Variants in ACVR1C observed in about 807,000 individuals in gnomAD.
The protein encoded by ACVR1C is activin receptor type-1C.
In ACVR1C, 23 loss-of-function variants were observed where a neutral mutation model predicts 57.9. The observed-to-expected ratio is 0.40, with a 90% CI of 0.29 to 0.56. The LOEUF (loss-of-function observed/expected upper bound fraction) is 0.56. ACVR1C is among the 20% of genes least tolerant of loss of function. The pLI, the probability that ACVR1C is intolerant of heterozygous loss-of-function variation, is 0.50. For synonymous variants in ACVR1C, 214 were observed against 215.3 expected (o/e 0.99, Z 0.05); for missense variants, 480 against 607.9 (o/e 0.79, Z 2.21).
In ACVR1C at chr2:157,628,730, G is replaced by T. The variant is rs1573965173; in HGVS notation, c.-86C>A. 1.7e-6 allele frequency: 2 copies of T among 1,205,762 alleles called. No homozygotes were observed. The highest frequency in any genetic ancestry group is 6.3e-5 in the Admixed American group (2 of 31,558). The allele number at this position is 1,205,762 out of a possible 1,614,324, so 74.7% of individuals were successfully genotyped here. A position where few individuals can be genotyped will look rare whatever the true frequency, so the allele number is the denominator to read the frequency against. On this transcript the variant is annotated 5_prime_UTR_variant, in exon 1 of 9. Transcript: ENST00000243349. Reference sequence around the variant, plus strand: ...AGCACGGCCCGCTTTGAAGTTCCCGGGCCGCGGGAGGGGAGCGCGGCACCG... The same window carrying T: ...AGCACGGCCCGCTTTGAAGTTCCCGTGCCGCGGGAGGGGAGCGCGGCACCG...
intron 1 of ACVR1C, among the ~76,000 whole-genome samples, chr2:157,594,944 G>A (rs1682055048): frequency 6.6e-6 from 1 of 152,192 alleles, no homozygotes; most frequent in Non-Finnish European, 1.5e-5. Flanking sequence ...ATGGCACAAT[G>A]TCATAAAGCT....
At chr2:157,628,213 T>A (rs563569252) in intron 1 of ACVR1C, among the ~76,000 whole-genome samples, 1 of 152,192 alleles carries the variant, frequency 6.6e-6, no homozygotes, top group Non-Finnish European at 1.5e-5. Flanking sequence ...CCCTGCAGGG[T>A]GAACCCAGCT....
chr2:157,587,872 A>G (rs1393030643), intron 1 of ACVR1C, among the ~76,000 whole-genome samples: 3 of 152,056 alleles, frequency 2.0e-5, no homozygotes, highest in African/African-American at 7.2e-5. Context: ...CTTCCTTTAA[A>G]CTTTTAAGCA....
chr2:157,566,688 C>T (rs541447434), intron 2 of ACVR1C, among the ~76,000 whole-genome samples: 1 of 151,740 alleles, frequency 6.6e-6, no homozygotes, highest in East Asian at 2.0e-4. Context: ...GACTATATCC[C>T]ACACCTGGCT....
At chr2:157,575,572 A>G (rs1016785086) in intron 2 of ACVR1C, among the ~76,000 whole-genome samples, 2 of 152,344 alleles carry the variant, frequency 1.3e-5, no homozygotes, top group East Asian at 3.9e-4. Flanking sequence ...CCTGGCCAAC[A>G]GTGCTGTTTT....
intron 4 of ACVR1C, among the ~76,000 whole-genome samples, chr2:157,546,586 A>G (rs1299954620): frequency 1.3e-5 from 2 of 152,156 alleles, no homozygotes; most frequent in African/African-American, 4.8e-5. Flanking sequence ...TCTTGACTCT[A>G]CCATAAAGTT....
intron 3 of ACVR1C, among the ~76,000 whole-genome samples, chr2:157,551,514 T>C (rs909452538): frequency 6.6e-6 from 1 of 152,244 alleles, no homozygotes; most frequent in Non-Finnish European, 1.5e-5. Context: ...TAAGTGTATC[T>C]AGCTATTCAA....
intron 2 of ACVR1C, among the ~76,000 whole-genome samples, chr2:157,578,043 C>T (rs1485626970): frequency 6.6e-6 from 1 of 152,044 alleles, no homozygotes; most frequent in Non-Finnish European, 1.5e-5. Context: ...GCTGGGATCG[C>T]AGGCACATGC....
intron 2 of ACVR1C, among the ~76,000 whole-genome samples, chr2:157,584,054 C>T (rs1349777798): frequency 6.6e-6 from 1 of 151,756 alleles, no homozygotes; most frequent in Admixed American, 6.6e-5. Context: ...TAAAAAATAC[C>T]TTCAAGAAAA....
chr2:157,565,211 C>T (rs996614771), intron 2 of ACVR1C, among the ~76,000 whole-genome samples: 2 of 151,804 alleles, frequency 1.3e-5, no homozygotes, highest in African/African-American at 4.8e-5. Context: ...TGAATCAGTC[C>T]AACATAAAAG....
At chr2:157,553,993 G>T (rs574273185) in intron 3 of ACVR1C, among the ~76,000 whole-genome samples, 1 of 151,684 alleles carries the variant, frequency 6.6e-6, no homozygotes, top group Non-Finnish European at 1.5e-5. Context: ...GACCAGCCTG[G>T]CCAACATGGT....
chr2:157,545,272 G>C lies in ACVR1C; in HGVS notation c.776-660C>G, dbSNP rs535158904. Among the ~76,000 whole-genome samples the C allele has an allele frequency of 9.2e-4, 140 of 152,256 alleles. 3 individuals carry two copies. The South Asian group carries it at 0.028, about 30-fold the overall frequency. ...ATTAGTAGAGTGAGCTTTAGCTTTT[G>C]AAATGAAATGTCTACAGTAACCCTG... On this transcript the variant is annotated intron_variant, in intron 4 of 8. Coordinates refer to ENST00000243349, the MANE Select transcript of ACVR1C (RefSeq NM_145259.3).
At chr2:157,586,412 T>C (rs1429709964) in intron 2 of ACVR1C, among the ~76,000 whole-genome samples, 1 of 152,146 alleles carries the variant, frequency 6.6e-6, no homozygotes, top group East Asian at 1.9e-4. Context: ...ATCTCTGTTA[T>C]AGATACATCT....
chr2:157,572,221 T>A, intron 2 of ACVR1C, among the ~76,000 whole-genome samples: 3 of 105,516 alleles, frequency 2.8e-5, no homozygotes, highest in South Asian at 4.1e-4. Context: ...TGTGGTGGGG[T>A]CGGGGGAGGG....
rs543320424 is a variant in ACVR1C at position 157,533,818 on chromosome 2, C to A, written c.*100G>T. Reference sequence around the variant, plus strand: ...GCACTTAAATACTGTACTGTCTTATCTTTGAGGTAGAACAAAAAAAAAATG... The same window carrying A: ...GCACTTAAATACTGTACTGTCTTATATTTGAGGTAGAACAAAAAAAAAATG... On this transcript the variant is annotated 3_prime_UTR_variant, in exon 9 of 9. Transcript: ENST00000243349. The A allele has an allele frequency of 1.2e-3, 1,485 of 1,275,952 alleles. 11 individuals carry two copies. The highest frequency in any genetic ancestry group is 7.9e-4 in the Admixed American group (29 of 36,670). The allele number at this position is 1,275,952 out of a possible 1,614,324, so 79.0% of individuals were successfully genotyped here.
intron 2 of ACVR1C, among the ~76,000 whole-genome samples, chr2:157,558,641 CCT>C (rs1022325861): frequency 5.2e-4 from 79 of 152,184 alleles, no homozygotes; most frequent in African/African-American, 1.9e-3. Context: ...CTTTTCTTCC[CCT>C]GAGTGTTTCG....
rs114666647 is a variant in ACVR1C, at chr2:157,536,789, T to C, written c.1356+1784A>G. 6.5e-3 allele frequency among the ~76,000 whole-genome samples: 983 copies of C among 152,274 alleles called. 6 individuals are homozygous for C. The highest frequency in any genetic ancestry group is 0.012 in the Non-Finnish European group (783 of 67,968). ...TGGTATAAAATGAGGCCAATATCTATTCCATGAGATTGACATAAAACAAGA... is the reference window on the plus strand; with the variant it reads ...TGGTATAAAATGAGGCCAATATCTACTCCATGAGATTGACATAAAACAAGA... On this transcript the variant is annotated intron_variant, in intron 8 of 8. Transcript: ENST00000243349.
At chr2:157,541,479 C>T (rs1687624265) in intron 6 of ACVR1C, among the ~76,000 whole-genome samples, 2 of 152,164 alleles carry the variant, frequency 1.3e-5, no homozygotes, top group Admixed American at 1.3e-4. Context: ...TATAAGAAAT[C>T]TACAGTCCAT....
chr2:157,574,929 G>A (rs1208756482), intron 2 of ACVR1C, among the ~76,000 whole-genome samples: 2 of 151,992 alleles, frequency 1.3e-5, no homozygotes, highest in Non-Finnish European at 2.9e-5. Context: ...TGATGATGGA[G>A]GTATACTCAT....
Sources: allele counts gnomAD v4.1 joint callset (sites outside exome capture counted in the v4.1 genomes callset), GRCh38; gene constraint gnomAD v4.1.1; transcripts MANE v1.5; gene names NCBI Gene and HGNC (gene_info 2026-07-23, HGNC 2026-07-21).